ARSG: variants seen among roughly 807,000 people sequenced by gnomAD.
The protein encoded by ARSG is ASG.
In ARSG, 37 loss-of-function variants were observed where a neutral mutation model predicts 50.5. The observed-to-expected ratio is 0.73, with a 90% CI of 0.56 to 0.96. The LOEUF (loss-of-function observed/expected upper bound fraction) is 0.96, where lower values mean the gene tolerates loss of function less well. Ranked by LOEUF, ARSG falls within the 50% of genes least tolerant of loss-of-function variation. The pLI is 0.00. For synonymous variants in ARSG, 225 were observed against 254.6 expected (o/e 0.88, Z 1.11); for missense variants, 629 against 675.3 (o/e 0.93, Z 0.76).
the ARSG span, chr17:68,434,435 C>T: frequency 1.1e-4 from 102 of 958,124 alleles, no homozygotes; most frequent in Admixed American, 3.7e-4. Context: ...AGAGTAGTTA[C>T]ACTTCCTCCA....
intron 2 of ARSG, among the ~76,000 whole-genome samples, chr17:68,333,350 G>A (rs576576988): frequency 5.9e-5 from 9 of 151,334 alleles, no homozygotes; most frequent in South Asian, 2.1e-4. Flanking sequence ...ATAAGAGGCC[G>A]GGCGTGGTGG....
At chr17:68,287,025 C>T (rs897707411), upstream of ARSG, among the ~76,000 whole-genome samples, 15 of 152,076 alleles carry the variant, frequency 9.9e-5, no homozygotes, top group African/African-American at 3.6e-4. Flanking sequence ...CTCTTGTTGC[C>T]TAGGCTGGAG....
downstream of ARSG, chr17:68,426,242 T>TGGCGGGGGGGGGGGGG: frequency 1.5e-6 from 1 of 668,992 alleles, no homozygotes; most frequent in Non-Finnish European, 2.2e-6. Flanking sequence ...ACCTGGCGGG[T>TGGCGGGGGGGGGGGGG]GGGGAGCGGG....
the ARSG span, among the ~76,000 whole-genome samples, chr17:68,437,518 C>G: frequency 2.0e-5 from 3 of 151,442 alleles, no homozygotes; most frequent in Non-Finnish European, 4.4e-5. Flanking sequence ...AGTGCCACTG[C>G]ACTCCAGCCT....
chr17:68,293,735 T>TACACCTAA (rs1182547871), intron 1 of ARSG, among the ~76,000 whole-genome samples: 1 of 152,184 alleles, frequency 6.6e-6, no homozygotes, highest in African/African-American at 2.4e-5. Context: ...GGTTACACCA[T>TACACCTAA]GTTTATAGAT....
At chr17:68,352,561 G>A (rs2078850242) in intron 5 of ARSG, among the ~76,000 whole-genome samples, 2 of 149,162 alleles carry the variant, frequency 1.3e-5, no homozygotes, top group African/African-American at 2.5e-5. Flanking sequence ...CCAGGCTAGA[G>A]CGCAGTGGCG....
At chr17:68,442,989 AC>A in the ARSG span, among the ~76,000 whole-genome samples, 3 of 152,226 alleles carry the variant, frequency 2.0e-5, no homozygotes, top group African/African-American at 4.8e-5. Flanking sequence ...GGAAAAACTT[AC>A]CACCCACAGC....
At chr17:68,436,620 CTGA>C in the ARSG span, 128 of 692,032 alleles carry the variant, frequency 1.8e-4, no homozygotes, top group Non-Finnish European at 5.0e-5. Flanking sequence ...CTGCTTTCCG[CTGA>C]TGATTCTTCT....
chr17:68,443,285 A>AT, the ARSG span, among the ~76,000 whole-genome samples: 1 of 151,750 alleles, frequency 6.6e-6, no homozygotes, highest in Non-Finnish European at 1.5e-5. Flanking sequence ...TAATTTTTGT[A>AT]TTTTTTTGGT....
In ARSG at chr17:68,385,069, A is replaced by G. The variant is rs757873493; in HGVS notation, c.988A>G (p.Ser330Gly). ...TGCCTCCCCTCCTCTCACAGGGGGA[A>G]GTCCAGCCAAGCAGACGACCTGGGA... ...TGFWQTRQGG[S>G]PAKQTTWEGG... Residue 330 changes from serine to glycine, a missense_variant, in exon 9 of 12, where the codon AGT (serine) becomes GGT (glycine). By Grantham distance (56) the Ser-to-Gly change is moderately conservative (BLOSUM62 0). Transcript: ENST00000621439. 6.2e-7 allele frequency: 1 copy of G among 1,613,674 alleles called. No individual in the cohort carries two copies. The highest frequency in any genetic ancestry group is 8.5e-7 in the Non-Finnish European group (1 of 1,179,812).
intron 1 of ARSG, among the ~76,000 whole-genome samples, chr17:68,260,544 G>C (rs1368773794): frequency 1.3e-5 from 2 of 152,206 alleles, no homozygotes; most frequent in African/African-American, 4.8e-5. Context: ...CTGGAGTGCA[G>C]TGGCATGATC....
intron 10 of ARSG, among the ~76,000 whole-genome samples, chr17:68,397,134 T>C (rs2081282764): frequency 6.6e-6 from 1 of 152,178 alleles, no homozygotes; most frequent in South Asian, 2.1e-4. Context: ...TTGCTCTAAC[T>C]GGAGTTTTGC....
intron 5 of ARSG, among the ~76,000 whole-genome samples, chr17:68,353,150 G>C (rs2078878902): frequency 6.6e-6 from 1 of 151,730 alleles, no homozygotes; most frequent in African/African-American, 2.4e-5. Flanking sequence ...TCTTAGGTTG[G>C]TGCAAAAGTA....
intron 10 of ARSG, chr17:68,400,027 G>C (rs184278771): frequency 6.6e-6 from 1 of 152,236 alleles, no homozygotes; most frequent in Non-Finnish European, 1.5e-5. Flanking sequence ...CCTGGAAGCC[G>C]CAGGTGTGGG....
chr17:68,331,177 G>GTTTGTTTC (rs909941408), intron 2 of ARSG, among the ~76,000 whole-genome samples: 1 of 119,024 alleles, frequency 8.4e-6, no homozygotes, highest in African/African-American at 3.2e-5. Flanking sequence ...CAAAGACAGG[G>GTTTGTTTC]TTTCTTTCTT....
chr17:68,294,478 T>C (rs782421227), intron 1 of ARSG, among the ~76,000 whole-genome samples: 6 of 152,162 alleles, frequency 3.9e-5, no homozygotes, highest in Non-Finnish European at 8.8e-5. Context: ...GTAAGTAGAC[T>C]GAAAGGAATC....
At chr17:68,338,912 G>T (rs2078146026) in intron 2 of ARSG, among the ~76,000 whole-genome samples, 1 of 152,220 alleles carries the variant, frequency 6.6e-6, no homozygotes, top group Admixed American at 6.5e-5. Context: ...TACAGGGTCT[G>T]CCCCAGTAGC....
chr17:68,350,508 G>A (rs1238369048), intron 4 of ARSG, among the ~76,000 whole-genome samples: 4 of 151,972 alleles, frequency 2.6e-5, no homozygotes, highest in African/African-American at 4.8e-5. Context: ...GGGCTGGGCC[G>A]GGCGCGGTGG....
At chr17:68,337,077 G>A (rs755978783) in intron 2 of ARSG, among the ~76,000 whole-genome samples, 15 of 152,160 alleles carry the variant, frequency 9.9e-5, no homozygotes, top group Admixed American at 7.2e-4. Context: ...GAGAATGAGC[G>A]GGAGTGAAGC....
Sources: allele counts gnomAD v4.1 joint callset (sites outside exome capture counted in the v4.1 genomes callset), GRCh38; gene constraint gnomAD v4.1.1; transcripts MANE v1.5; gene names NCBI Gene and HGNC (gene_info 2026-07-23, HGNC 2026-07-21).